The following FGGY variants were observed in gnomAD, a reference collection of about 807,000 sequenced individuals.
FGGY encodes the protein FGGY carbohydrate kinase domain-containing protein.
A neutral mutation model predicts 71.3 loss-of-function variants in FGGY; 72 were observed. The ratio of observed to expected loss-of-function variants is 1.01; its 90% CI spans 0.84 to 1.23. FGGY has a LOEUF of 1.23. Among genes scored for constraint, FGGY ranks in the 50% most tolerant of loss-of-function variants. The probability of loss-of-function intolerance (pLI) is 0.00; values close to 1 mark genes in which losing one functional copy is unlikely to be tolerated. For synonymous variants in FGGY, 251 were observed against 250.3 expected (o/e 1.00, Z -0.02); for missense variants, 668 against 682.3 (o/e 0.98, Z 0.23).
At chr1:59,591,607 C>G (rs1262546290) in intron 8 of FGGY, among the ~76,000 whole-genome samples, 1 of 152,148 alleles carries the variant, frequency 6.6e-6, no homozygotes, top group African/African-American at 2.4e-5. Flanking sequence ...ACCAATGTAA[C>G]AGGACAGAGC....
chr1:59,301,743 C>T (rs750864787), intron 1 of FGGY, among the ~76,000 whole-genome samples: 25 of 91,406 alleles, frequency 2.7e-4, no homozygotes, highest in Non-Finnish European at 4.5e-4. Context: ...GATGGAGTTT[C>T]GCTCTTGTTG....
intron 8 of FGGY, among the ~76,000 whole-genome samples, chr1:59,583,951 T>C (rs1224489647): frequency 8.6e-6 from 1 of 115,660 alleles, no homozygotes; most frequent in African/African-American, 3.4e-5. Context: ...GGCTCACCAC[T>C]TATGTGTTGG....
intron 6 of FGGY, among the ~76,000 whole-genome samples, chr1:59,478,862 TGAG>T (rs1302889384): frequency 1.8e-4 from 27 of 152,122 alleles, no homozygotes; most frequent in African/African-American, 5.3e-4. Context: ...AGGGAGATAA[TGAG>T]GAGATTTTAC....
chr1:59,512,354 C>T lies in FGGY; in HGVS notation c.714C>T (p.Leu238=), dbSNP rs1367411784. Residue 238 remains leucine, a synonymous_variant, in exon 7 of 16, where the codon CTC becomes CTT. Transcript: ENST00000303721. ...LPPGASLGNG[L]TPEAARDLGL... Reference sequence around the variant, plus strand: ...CTGGAGCTTCTCTTGGAAATGGGCTCACACCAGAGGCAGCAAGAGACCTTG... The same window carrying T: ...CTGGAGCTTCTCTTGGAAATGGGCTTACACCAGAGGCAGCAAGAGACCTTG... The T allele has an allele frequency of 1.2e-6, 2 of 1,613,588 alleles. No individual in the cohort carries two copies. The highest frequency in any genetic ancestry group is 1.7e-6 in the Non-Finnish European group (2 of 1,179,664).
intron 11 of FGGY, among the ~76,000 whole-genome samples, chr1:59,643,452 C>T (rs2097058115): frequency 6.6e-6 from 1 of 152,164 alleles, no homozygotes; most frequent in African/African-American, 2.4e-5. Flanking sequence ...ACTTCAGTCT[C>T]CCAAAGTGTT....
chr1:59,669,652 C>T (rs2097359593), intron 13 of FGGY, among the ~76,000 whole-genome samples: 1 of 151,300 alleles, frequency 6.6e-6, no homozygotes, highest in Admixed American at 6.6e-5. Flanking sequence ...GCCTTGGCCT[C>T]CCAAAGTTCT....
intron 14 of FGGY, among the ~76,000 whole-genome samples, chr1:59,751,828 T>A (rs2101704379): frequency 6.6e-6 from 1 of 152,340 alleles, no homozygotes. Flanking sequence ...GTGATAATTA[T>A]CTCCATCACG....
chr1:59,324,005 G>A (rs1439291620), intron 2 of FGGY, among the ~76,000 whole-genome samples: 1 of 152,172 alleles, frequency 6.6e-6, no homozygotes, highest in South Asian at 2.1e-4. Context: ...AGGGCAAAGG[G>A]TGGCATCAGA....
At position 59,299,183 on chromosome 1, in the gene FGGY, GA is replaced by G. The variant is rs141958782; in HGVS notation, c.-15+2036del. ...AAAGCCTAAGTATGAGTGGGCTGGAGAAAGAGCGAGGGATTATATGAACCGG... is the reference window on the plus strand; with the variant it reads ...AAAGCCTAAGTATGAGTGGGCTGGAGAAGAGCGAGGGATTATATGAACCGG... On this transcript the variant is annotated intron_variant, in intron 1 of 15. Transcript: ENST00000303721. Among the ~76,000 whole-genome samples, 1,271 of 152,296 alleles carry G rather than the reference GA, an allele frequency of 8.3e-3. 21 individuals are homozygous for G. Among genetic ancestry groups the G allele is most frequent in the African/African-American group, 0.029 (1,198 of 41,556 alleles).
At chr1:59,618,659 A>G (rs1572179960) in intron 9 of FGGY, among the ~76,000 whole-genome samples, 1 of 152,192 alleles carries the variant, frequency 6.6e-6, no homozygotes, top group African/African-American at 2.4e-5. Context: ...TCTGAAATAC[A>G]TATATAGTAG....
At chr1:59,473,930 C>T (rs973816331) in intron 6 of FGGY, among the ~76,000 whole-genome samples, 1 of 152,150 alleles carries the variant, frequency 6.6e-6, no homozygotes, top group African/African-American at 2.4e-5. Context: ...GCTATCCTCC[C>T]TTCCATAAAG....
At chr1:59,571,593 G>A (rs1020308854) in intron 8 of FGGY, among the ~76,000 whole-genome samples, 12 of 152,316 alleles carry the variant, frequency 7.9e-5, no homozygotes, top group African/African-American at 2.9e-4. Flanking sequence ...TAGGTAGGAA[G>A]CTGGAGAAAC....
At chr1:59,591,045 G>A (rs190012833) in intron 8 of FGGY, among the ~76,000 whole-genome samples, 34 of 152,250 alleles carry the variant, frequency 2.2e-4, no homozygotes, top group East Asian at 5.8e-4. Context: ...AAACCCCATC[G>A]TCTCAGCCCA....
intron 5 of FGGY, among the ~76,000 whole-genome samples, chr1:59,443,183 A>G: frequency 6.6e-6 from 1 of 152,158 alleles, no homozygotes; most frequent in Non-Finnish European, 1.5e-5. Flanking sequence ...TCAAGGAAAT[A>G]TTTGTTTTAT....
chr1:59,472,350 C>T (rs547507193), intron 6 of FGGY, among the ~76,000 whole-genome samples: 396 of 152,356 alleles, frequency 2.6e-3, no homozygotes, highest in Non-Finnish European at 4.5e-3. Context: ...CTGCAGCCCG[C>T]CATGCCTGAG....
At chr1:59,443,358 C>T (rs1218423349) in intron 5 of FGGY, among the ~76,000 whole-genome samples, 1 of 152,168 alleles carries the variant, frequency 6.6e-6, no homozygotes, top group South Asian at 2.1e-4. Context: ...TCTCTTTCAT[C>T]CTTTGCCAGG....
intron 9 of FGGY, among the ~76,000 whole-genome samples, chr1:59,615,364 A>G (rs2096740515): frequency 6.6e-6 from 1 of 152,212 alleles, no homozygotes; most frequent in South Asian, 2.1e-4. Context: ...CAACTATCTG[A>G]TTTTTGACAA....
At chr1:59,420,706 C>G (rs1014252921) in intron 5 of FGGY, among the ~76,000 whole-genome samples, 2 of 152,062 alleles carry the variant, frequency 1.3e-5, no homozygotes, top group Non-Finnish European at 2.9e-5. Flanking sequence ...AAATGTACTC[C>G]ATATGTTTCT....
At chr1:59,512,190 T>A in intron 6 of FGGY, 121 bp from the exon 7 acceptor site, 1 of 1,138,250 alleles carries the variant, frequency 8.8e-7, no homozygotes, top group South Asian at 1.9e-5. Flanking sequence ...ACTGCATGGT[T>A]TTTATCTTTG....
Sources: allele counts gnomAD v4.1 joint callset (sites outside exome capture counted in the v4.1 genomes callset), GRCh38; gene constraint gnomAD v4.1.1; transcripts MANE v1.5; gene names NCBI Gene and HGNC (gene_info 2026-07-23, HGNC 2026-07-21).